Variants in CARD10 observed in about 807,000 individuals in gnomAD.
CARD10 encodes caspase recruitment domain family member 10, also known as caspase recruitment domain-containing protein 10.
CARD10 carries 49 observed loss-of-function variants against 114.6 expected under a neutral mutation model. That is an observed-to-expected ratio of 0.43 (90% CI 0.34 to 0.54). The LOEUF (loss-of-function observed/expected upper bound fraction) is 0.54, where lower values mean the gene tolerates loss of function less well. Among genes scored for constraint, CARD10 ranks in the 20% least tolerant of loss-of-function variants. The pLI is 0.03. For synonymous variants in CARD10, 602 were observed against 593.2 expected (o/e 1.01, Z -0.21); for missense variants, 1,206 against 1,397.2 (o/e 0.86, Z 2.18).
intron 6 of CARD10, 75 bp downstream of exon 6, chr22:37,507,754 T>C: frequency 1.9e-6 from 3 of 1,570,322 alleles, no homozygotes; most frequent in Non-Finnish European, 2.6e-6. Flanking sequence ...TCTAGTCCCC[T>C]CCATTGCTCC....
At chr22:37,493,444 TAGAC>T (rs1222557231) in intron 16 of CARD10, among the ~76,000 whole-genome samples, 10 of 152,224 alleles carry the variant, frequency 6.6e-5, no homozygotes, top group Non-Finnish European at 1.2e-4. Flanking sequence ...ACCCCCTAAT[TAGAC>T]AGCAAGCTCC....
intron 1 of CARD10, 110 bp from the exon 2 acceptor site, chr22:37,518,218 C>A: frequency 9.5e-7 from 1 of 1,057,080 alleles, no homozygotes; most frequent in Non-Finnish European, 1.4e-6. Flanking sequence ...GATTTTTGAG[C>A]CAGTGACACA....
In CARD10 at chr22:37,496,118, C is replaced by T; in HGVS notation, c.2060-115G>A. On this transcript the variant is annotated intron_variant, in intron 13 of 19. Transcript: ENST00000251973. This position sits in a 1 kb window ranked among gnomAD's most constrained non-coding sequence, Gnocchi z 4.1. ...CCTCTCGAGGCCTGAGTTCCCAGGA[C>T]CCGACCTTCACCTTCTTAGAATGAC... 1 of 1,345,094 alleles carries T rather than the reference C, an allele frequency of 7.4e-7. No homozygotes were observed. The highest frequency in any genetic ancestry group is 1.0e-6 in the Non-Finnish European group (1 of 990,516). 83.3% of individuals were successfully genotyped at this position (1,345,094 alleles called of 1,614,324 possible).
chr22:37,507,086 C>A (rs1258033456), intron 6 of CARD10, among the ~76,000 whole-genome samples: 1 of 152,110 alleles, frequency 6.6e-6, no homozygotes, highest in Non-Finnish European at 1.5e-5. Flanking sequence ...CAAGACCAGC[C>A]TGGTCAATAT....
chr22:37,510,105 G>A (rs1390753353), intron 4 of CARD10, 107 bp downstream of exon 4: 2 of 721,962 alleles, frequency 2.8e-6, no homozygotes, highest in Non-Finnish European at 4.2e-6. Context: ...CCTGCTGCAG[G>A]CCTTCCTGAT....
rs771846477 is a variant in CARD10 at position 37,517,961 on chromosome 22, A to G, written c.373+10T>C. 1 of 1,611,976 alleles carries G rather than the reference A, an allele frequency of 6.2e-7. No homozygotes were observed. Among genetic ancestry groups the G allele is most frequent in the Non-Finnish European group, 8.5e-7 (1 of 1,178,670 alleles). On this transcript the variant is annotated intron_variant, in intron 2 of 19. Coordinates refer to ENST00000251973, the MANE Select transcript of CARD10 (RefSeq NM_014550.4). ...TCCGAGGTGCCAGCATCCACCGCAGATCCACTCACCGAGGATCATGGAGCA... is the reference window on the plus strand; with the variant it reads ...TCCGAGGTGCCAGCATCCACCGCAGGTCCACTCACCGAGGATCATGGAGCA...
chr22:37,503,255 C>T, intron 9 of CARD10, 42 bp from the exon 10 acceptor site: 1 of 1,587,726 alleles, frequency 6.3e-7, no homozygotes, highest in East Asian at 2.3e-5. Context: ...AGGTGAGGCA[C>T]AGTGGGCACT....
intron 4 of CARD10, 124 bp from the exon 5 acceptor site, chr22:37,508,806 C>T (rs1018693354): frequency 9.5e-6 from 12 of 1,258,662 alleles, no homozygotes; most frequent in East Asian, 2.6e-5. Flanking sequence ...CATGCTGGCC[C>T]GGGGCCTCGA....
In CARD10 at chr22:37,496,237, T is replaced by C. The variant is rs551043355; in HGVS notation, c.2059+212A>G. On this transcript the variant is annotated intron_variant, in intron 13 of 19. Coordinates refer to ENST00000251973, the MANE Select transcript of CARD10 (RefSeq NM_014550.4). This position sits in a 1 kb window ranked among gnomAD's most constrained non-coding sequence, Gnocchi z 4.1. Reference sequence around the variant, plus strand: ...CCAGGTCTCTGGACTCCTAATGTAGTGCTCCTTTCACTGTAAGCTGCTTAC... The same window carrying C: ...CCAGGTCTCTGGACTCCTAATGTAGCGCTCCTTTCACTGTAAGCTGCTTAC... Among the ~76,000 whole-genome samples, 1 of 152,252 alleles carries C rather than the reference T, an allele frequency of 6.6e-6. No individual in the cohort carries two copies. Among genetic ancestry groups the C allele is most frequent in the African/African-American group, 2.4e-5 (1 of 41,554 alleles).
Position 37,512,478 on chromosome 22 carries a change from C to CAT in CARD10, c.700-2058_700-2057insAT, listed in dbSNP as rs1433738309. On this transcript the variant is annotated intron_variant, in intron 3 of 19. Coordinates refer to ENST00000251973, the MANE Select transcript of CARD10 (RefSeq NM_014550.4). The stretch of plus-strand genomic sequence containing the variant: ...GCAGCCCCCCCTCCACACACACACA[C>CAT]ACACACACACACACACACACACACA... Among the ~76,000 whole-genome samples the CAT allele has an allele frequency of 2.6e-4, 37 of 143,786 alleles. 2 individuals are homozygous for CAT. Among genetic ancestry groups the CAT allele is most frequent in the African/African-American group, 6.5e-4 (25 of 38,652 alleles). 94.3% of individuals were successfully genotyped at this position (143,786 alleles called of 152,430 possible). A position where few individuals can be genotyped will look rare whatever the true frequency, so the allele number is the denominator to read the frequency against.
chr22:37,518,374 C>T (rs1477154255), intron 1 of CARD10, among the ~76,000 whole-genome samples: 2 of 152,176 alleles, frequency 1.3e-5, no homozygotes, highest in African/African-American at 2.4e-5. Context: ...ATGCAGCCTG[C>T]CTTTTCAATG....
chr22:37,506,217 C>T lies in CARD10; in HGVS notation c.1358G>A (p.Arg453Gln), dbSNP rs796183854. ...TKALLEVQLQ[R>Q]AQGGTCLKAC... ...CTTGAGGCAGGTGCCACCCTGGGCC[C>T]GCTGCAGCTGAACCTCCAGCAGAGC... The change falls in exon 7 of 20, where the codon CGG becomes CAG. Residue 453 changes from arginine (R) to glutamine (Q), a missense_variant. Physicochemically the swap from Arg to Gln is conservative, Grantham distance 43. Around this residue, in one of 2 missense-constraint regions of CARD10, gnomAD observed 1,068 missense variants for 1,179.1 expected, o/e 0.91. Transcript: ENST00000251973. 3.2e-6 allele frequency: 5 copies of T among 1,586,854 alleles called. No homozygotes were observed. The highest frequency in any genetic ancestry group is 2.3e-5 in the South Asian group (2 of 86,434).
chr22:37,506,681 C>T (rs1923421738), intron 6 of CARD10, among the ~76,000 whole-genome samples: 1 of 152,212 alleles, frequency 6.6e-6, no homozygotes, highest in Non-Finnish European at 1.5e-5. Context: ...CTCACCATTT[C>T]ACCAAGAACT....
rs768775297 is a variant in CARD10, at chr22:37,518,042, T to C, written c.302A>G (p.Glu101Gly). Residue 101 changes from glutamate to glycine, a missense_variant, in exon 2 of 20, where the codon GAG becomes GGG. Coordinates refer to ENST00000251973, the MANE Select transcript of CARD10 (RefSeq NM_014550.4). Reference protein sequence around the residue: ...RGYEAFLEALEFYYPEHFTLL... With the variant: ...RGYEAFLEALGFYYPEHFTLL... Reference sequence around the variant, plus strand: ...CGTGAAGTGTTCGGGGTAGTAGAACTCCAGGGCTTCCAGGAAGGCCTCATA... The same window carrying C: ...CGTGAAGTGTTCGGGGTAGTAGAACCCCAGGGCTTCCAGGAAGGCCTCATA... 3 of 1,613,984 alleles carry C rather than the reference T, an allele frequency of 1.9e-6. No homozygotes were observed. In the South Asian group the frequency reaches 3.3e-5, roughly 18 times the overall value.
intron 11 of CARD10, 124 bp from the exon 12 acceptor site, chr22:37,497,302 T>C: frequency 1.1e-6 from 1 of 951,710 alleles, no homozygotes; most frequent in African/African-American, 1.7e-5. Flanking sequence ...CCCAGGCCTC[T>C]CCATCTTCTG....
chr22:37,512,427 T>C (rs1923684045), intron 3 of CARD10, among the ~76,000 whole-genome samples: 1 of 141,330 alleles, frequency 7.1e-6, no homozygotes, highest in Non-Finnish European at 1.5e-5. Context: ...GACTTGCTAG[T>C]TCCCCAGCCT....
At chr22:37,517,943 T>C in intron 2 of CARD10, 28 bp downstream of exon 2, 11 of 1,606,162 alleles carry the variant, frequency 6.8e-6, no homozygotes, top group Non-Finnish European at 9.4e-6. Flanking sequence ...GAGTCCGAGG[T>C]GCCAGCATCC....
At chr22:37,502,139 G>A (rs1923238320) in intron 11 of CARD10, among the ~76,000 whole-genome samples, 2 of 152,202 alleles carry the variant, frequency 1.3e-5, no homozygotes, top group Admixed American at 6.5e-5. Context: ...TGGCTGGCCC[G>A]GTCACAGGGG....
At chr22:37,506,495 G>T in intron 6 of CARD10, 112 bp from the exon 7 acceptor site, 2 of 706,584 alleles carry the variant, frequency 2.8e-6, no homozygotes, top group Non-Finnish European at 2.2e-6. Flanking sequence ...ATCACTTACT[G>T]AGCACTGTGT....
Sources: allele counts gnomAD v4.1 joint callset (sites outside exome capture counted in the v4.1 genomes callset), GRCh38; gene constraint gnomAD v4.1.1; regional missense constraint gnomAD v4.1.1; non-coding constraint Gnocchi (gnomAD v3.1); transcripts MANE v1.5; gene names NCBI Gene and HGNC (gene_info 2026-07-23, HGNC 2026-07-21).